SALL4: variants seen among roughly 807,000 people sequenced by gnomAD.
The protein encoded by SALL4 is spalt like transcription factor 4, also known as sal-like protein 4.
SALL4 carries 4 observed loss-of-function variants against 60.8 expected under a neutral mutation model. The ratio of observed to expected loss-of-function variants is 0.07; its 90% confidence interval spans 0.03 to 0.15. The LOEUF (loss-of-function observed/expected upper bound fraction) is 0.15. Ranked by LOEUF, SALL4 falls within the 10% of genes least tolerant of loss-of-function variation. SALL4 has a pLI of 1.00. For synonymous variants in SALL4, 580 were observed against 574.9 expected, an observed-to-expected ratio of 1.01 and a Z score of -0.13; for missense variants, 1,178 against 1,394.7, an observed-to-expected ratio of 0.84 and a Z score of 2.48.
intron 1 of SALL4, among the ~76,000 whole-genome samples, chr20:51,794,615 TGTCA>T (rs1369463131): frequency 6.6e-6 from 1 of 152,170 alleles, no homozygotes; most frequent in Non-Finnish European, 1.5e-5. Flanking sequence ...TGAGAAATAA[TGTCA>T]CTCGTGCAAC....
chr20:51,791,375 C>G lies in SALL4; in HGVS notation c.1108G>C (p.Asp370His). ...KGKPPNISAV[D>H]VKPKDEAALY... is the part of the protein sequence containing the mutation. ...GCCGCCTCGTCTTTGGGTTTGACAT[C>G]CACCGCGGAGATGTTCGGTGGCTTC... Residue 370 changes from aspartate to histidine, a missense_variant, in exon 2 of 4, where the codon GAT (aspartate) becomes CAT (histidine). Asp to His is a moderately conservative substitution (Grantham distance 81). Coordinates refer to ENST00000217086, the MANE Select transcript of SALL4 (RefSeq NM_020436.5). The surrounding 1 kb of genome is among the most constrained non-coding windows in gnomAD (Gnocchi z 4.6). The G allele has an allele frequency of 6.2e-7, 1 of 1,614,202 alleles. No homozygotes were observed. The highest frequency in any genetic ancestry group is 8.5e-7 in the Non-Finnish European group (1 of 1,180,050).
chr20:51,802,227 G>C, intron 1 of SALL4, 52 bp downstream of exon 1: 1 of 1,537,256 alleles, frequency 6.5e-7, no homozygotes. Context: ...CGAGGATCCC[G>C]CGTACGTCCG....
At chr20:51,799,043 C>T (rs767966975) in intron 1 of SALL4, among the ~76,000 whole-genome samples, 5 of 152,068 alleles carry the variant, frequency 3.3e-5, no homozygotes, top group Non-Finnish European at 4.4e-5. Context: ...TTAAAGATAG[C>T]GCACTCGAGT....
At chr20:51,798,382 T>C (rs1207567253) in intron 1 of SALL4, among the ~76,000 whole-genome samples, 1 of 136,754 alleles carries the variant, frequency 7.3e-6, no homozygotes, top group Non-Finnish European at 1.5e-5. Context: ...GCAAACTCCA[T>C]GAGGGCAGGG....
At position 51,791,623 on chromosome 20, in the gene SALL4, T is replaced by C. The variant is rs768194138; in HGVS notation, c.860A>G (p.Asp287Gly). 6.2e-7 allele frequency: 1 copy of C among 1,613,872 alleles called. No individual in the cohort carries two copies. The highest frequency in any genetic ancestry group is 8.5e-7 in the Non-Finnish European group (1 of 1,180,034). Residue 287 changes from aspartate to glycine, a missense_variant, in exon 2 of 4, where the codon GAT becomes GGT. Coordinates refer to ENST00000217086, the MANE Select transcript of SALL4 (RefSeq NM_020436.5). This position sits in a 1 kb window ranked among gnomAD's most constrained non-coding sequence, Gnocchi z 4.6. ...QKAGSQGLSL[D>G]ALKQAKLPHA... is the part of the protein sequence containing the mutation. ...AGGTAGCTTGGCTTGTTTCAAGGCA[T>C]CCAGAGACAGACCTTGGCTTCCAGC...
At position 51,792,098 on chromosome 20, in the gene SALL4, T is replaced by G. The variant is rs763830694; in HGVS notation, c.385A>C (p.Ser129Arg). ...VLSHQPTSPG[S>R]KDCHRENGGS... ...CCATTCTCCCTGTGACAGTCCTTAC[T>G]GCCGGGACTGGTGGGCTGGTGGCTC... Residue 129 changes from serine to arginine, a missense_variant, in exon 2 of 4, where the codon AGT (serine) becomes CGT (arginine). By Grantham distance (110) the Ser-to-Arg change is moderately radical (BLOSUM62 -1). Around this residue, in one of 5 missense-constraint regions of SALL4, gnomAD observed 853 missense variants for 1,036.8 expected, o/e 0.82. Transcript: ENST00000217086. 3.3e-5 allele frequency: 53 copies of G among 1,614,056 alleles called. No homozygotes were observed. Among genetic ancestry groups the G allele is most frequent in the Non-Finnish European group, 4.5e-5 (53 of 1,180,028 alleles).
rs147369767 is a variant in SALL4, at chr20:51,790,979, A to G, written c.1504T>C (p.Ser502Pro). 82 of 1,614,110 alleles carry G rather than the reference A, an allele frequency of 5.1e-5. No homozygotes were observed. The African/African-American group carries it at 1.0e-3, about 20-fold the overall frequency. Residue 502 changes from serine to proline, a missense_variant, in exon 2 of 4, where the codon TCC becomes CCC. Coordinates refer to ENST00000217086, the MANE Select transcript of SALL4 (RefSeq NM_020436.5). This position sits in a 1 kb window ranked among gnomAD's most constrained non-coding sequence, Gnocchi z 5.5. ...GTNPKDLTGG[S>P]LPGDLQPGPS... ...CCAGGCTGCAGGTCACCGGGCAAGG[A>G]GCCACCCGTGAGGTCCTTGGGATTA...
Position 51,791,400 on chromosome 20 carries a change from C to T in SALL4, c.1083G>A (p.Gly361=). The T allele has an allele frequency of 6.2e-7, 1 of 1,614,194 alleles. No homozygotes were observed. Among genetic ancestry groups the T allele is most frequent in the Non-Finnish European group, 8.5e-7 (1 of 1,180,032 alleles). Residue 361 remains glycine, a synonymous_variant, in exon 2 of 4, where the codon GGG becomes GGA. Transcript: ENST00000217086. This position sits in a 1 kb window ranked among gnomAD's most constrained non-coding sequence, Gnocchi z 4.6. ...CCACCGCGGAGATGTTCGGTGGCTT[C>T]CCCTTCCCTTTCTTGGATGTGTCTA... is the stretch of plus-strand genomic sequence containing the variant. ...VALDTSKKGK[G]KPPNISAVDV...
intron 1 of SALL4, among the ~76,000 whole-genome samples, chr20:51,800,204 ACCCATCCTTGGCCCAG>A (rs2078101232): frequency 6.6e-6 from 1 of 152,018 alleles, no homozygotes; most frequent in Non-Finnish European, 1.5e-5. Flanking sequence ...CCCCTAGGGT[ACCCATCCTTGGCCCAG>A]CCCAGCACTC....
At position 51,801,897 on chromosome 20, in the gene SALL4, A is replaced by T. The variant is rs1272299543; in HGVS notation, c.130+382T>A. ...GGTTCTTTCTTTTGAGAGCGACGCG[A>T]GGGAGGGGGACCTAAGTTACAAGGG... On this transcript the variant is annotated intron_variant, in intron 1 of 3. Coordinates refer to ENST00000217086, the MANE Select transcript of SALL4 (RefSeq NM_020436.5). This position sits in a 1 kb window ranked among gnomAD's most constrained non-coding sequence, Gnocchi z 5.2. Among the ~76,000 whole-genome samples the T allele has an allele frequency of 1.2e-5, 1 of 80,882 alleles. No homozygotes were observed. The highest frequency in any genetic ancestry group is 1.3e-4 in the Admixed American group (1 of 7,492). 53.1% of individuals were successfully genotyped at this position (80,882 alleles called of 152,430 possible). A position where few individuals can be genotyped will look rare whatever the true frequency, so the allele number is the denominator to read the frequency against.
rs2078044259 is a variant in SALL4 at position 51,791,720 on chromosome 20, C to T, written c.763G>A (p.Asp255Asn). The T allele has an allele frequency of 1.1e-5, 18 of 1,614,054 alleles. No individual in the cohort carries two copies. Among genetic ancestry groups the T allele is most frequent in the East Asian group, 2.2e-5 (1 of 44,890 alleles). ...TGGCTGCCCAAGGTCTTCAGAGTGT[C>T]GGCCCCTGCCCCGCTTGAGTGGAGG... is the stretch of plus-strand genomic sequence containing the variant. ...HALHSSGAGA[D>N]TLKTLGSHMS... The change falls in exon 2 of 4, where the codon GAC (aspartate) becomes AAC (asparagine). Residue 255 changes from aspartate to asparagine, a missense_variant. Physicochemically the swap from Asp to Asn is conservative, Grantham distance 23 (BLOSUM62 1). This residue lies in a region of SALL4 where 853 missense variants were observed against 1,036.8 expected (regional missense o/e 0.82). Coordinates refer to ENST00000217086, the MANE Select transcript of SALL4 (RefSeq NM_020436.5). The surrounding 1 kb of genome is among the most constrained non-coding windows in gnomAD (Gnocchi z 4.6).
chr20:51,792,954 T>C (rs1054257680), intron 1 of SALL4: 85 of 993,094 alleles, frequency 8.6e-5, no homozygotes, highest in South Asian at 2.7e-4. Context: ...AAGACAGGCA[T>C]ATCTCAGACC....
chr20:51,787,841 A>T (rs2078003818), intron 3 of SALL4, among the ~76,000 whole-genome samples: 1 of 152,038 alleles, frequency 6.6e-6, no homozygotes, highest in Non-Finnish European at 1.5e-5. Flanking sequence ...AACTCTTAAG[A>T]GACAGGGTCT....
chr20:51,791,801 G>T lies in SALL4; in HGVS notation c.682C>A (p.Gln228Lys). ...ILCLQQQQLQQIQLTEQIRIQ... is the reference protein window; with the variant it reads ...ILCLQQQQLQKIQLTEQIRIQ... The stretch of plus-strand genomic sequence containing the variant: ...CGGATCTGCTCGGTGAGCTGGATCT[G>T]CTGTAGCTGCTGCTGCTGCAGACAC... The change falls in exon 2 of 4, where the codon CAG (glutamine) becomes AAG (lysine). Residue 228 changes from glutamine to lysine, a missense_variant. Physicochemically the swap from Gln to Lys is moderately conservative, Grantham distance 53 (BLOSUM62 1). Coordinates refer to ENST00000217086, the MANE Select transcript of SALL4 (RefSeq NM_020436.5). This position sits in a 1 kb window ranked among gnomAD's most constrained non-coding sequence, Gnocchi z 4.6. The T allele has an allele frequency of 6.2e-7, 1 of 1,614,098 alleles. No individual in the cohort carries two copies. The highest frequency in any genetic ancestry group is 8.5e-7 in the Non-Finnish European group (1 of 1,180,052).
rs995868253 is a variant in SALL4, at chr20:51,789,111, C to T, written c.2492G>A (p.Arg831Gln). Reference protein sequence around the residue: ...GRSSLPSTFIRAPPTYVKVEV... With the variant: ...GRSSLPSTFIQAPPTYVKVEV... ...AACCTTGACATAGGTCGGCGGGGCT[C>T]GGATAAACGTGGAAGGGAGACTGCT... The change falls in exon 3 of 4, where the codon CGA becomes CAA. Residue 831 changes from arginine to glutamine, a missense_variant. Arg to Gln is a conservative substitution (Grantham distance 43, BLOSUM62 1). Transcript: ENST00000217086. The T allele has an allele frequency of 2.5e-6, 4 of 1,613,976 alleles. No homozygotes were observed. Among genetic ancestry groups the T allele is most frequent in the African/African-American group, 2.7e-5 (2 of 74,896 alleles).
chr20:51,792,416 C>T lies in SALL4; in HGVS notation c.131-64G>A, dbSNP rs573811665. On this transcript the variant is annotated intron_variant, in intron 1 of 3. Coordinates refer to ENST00000217086, the MANE Select transcript of SALL4 (RefSeq NM_020436.5). Reference sequence around the variant, plus strand: ...TAAAAGATGTGGGGGGAGCCGGGCACCGTCGCTCACATCTATAATCCTAGC... The same window carrying T: ...TAAAAGATGTGGGGGGAGCCGGGCATCGTCGCTCACATCTATAATCCTAGC... 1.3e-4 allele frequency: 209 copies of T among 1,577,468 alleles called. 1 individual carries two copies. In the South Asian group the frequency reaches 2.1e-3, roughly 16 times the overall value.
chr20:51,783,191 C>T lies in SALL4; in HGVS notation c.*1074G>A, dbSNP rs1275915457. 6.6e-6 allele frequency: 1 copy of T among 151,966 alleles called. No homozygotes were observed. The highest frequency in any genetic ancestry group is 1.9e-4 in the East Asian group (1 of 5,184). 9.4% of individuals were successfully genotyped at this position (151,966 alleles called of 1,614,324 possible). On this transcript the variant is annotated 3_prime_UTR_variant, in exon 4 of 4. Transcript: ENST00000217086. ...ACTAAGTCACCTGAGATTCCCCGCT[C>T]AGGTGCCCACCTCTTCTGGGATTTG...
chr20:51,785,540 C>A (rs17201143), intron 3 of SALL4, among the ~76,000 whole-genome samples: 1 of 152,038 alleles, frequency 6.6e-6, no homozygotes, highest in Admixed American at 6.6e-5. Flanking sequence ...CAAGATGGGG[C>A]TTATAGTCTC....
intron 1 of SALL4, among the ~76,000 whole-genome samples, chr20:51,799,939 C>T (rs772109285): frequency 1.3e-5 from 2 of 152,030 alleles, no homozygotes; most frequent in Non-Finnish European, 2.9e-5. Flanking sequence ...TTATGTGAGA[C>T]ATATACATAC....
Sources: allele counts gnomAD v4.1 joint callset (sites outside exome capture counted in the v4.1 genomes callset), GRCh38; gene constraint gnomAD v4.1.1; regional missense constraint gnomAD v4.1.1; non-coding constraint Gnocchi (gnomAD v3.1); transcripts MANE v1.5; gene names NCBI Gene and HGNC (gene_info 2026-07-23, HGNC 2026-07-21).